Variants in ZFHX3 observed in about 807,000 individuals in gnomAD.
ZFHX3 encodes the protein zinc finger homeobox protein 3.
In ZFHX3, 42 loss-of-function variants were observed where a neutral mutation model predicts 279.1. The ratio of observed to expected loss-of-function variants is 0.15; its 90% CI spans 0.12 to 0.19. The LOEUF (loss-of-function observed/expected upper bound fraction) is 0.19. Ranked by LOEUF, ZFHX3 falls within the 10% of genes least tolerant of loss-of-function variation. The pLI is 1.00. For missense variants in ZFHX3, 4,981 were observed against 4,754.0 expected, an observed-to-expected ratio of 1.05 and a Z score of -1.40; for synonymous variants, 2,293 against 1,957.8, an observed-to-expected ratio of 1.17 and a Z score of -4.52.
intron 1 of ZFHX3, among the ~76,000 whole-genome samples, chr16:73,036,117 C>T (rs1051288491): frequency 5.3e-5 from 8 of 152,304 alleles, no homozygotes; most frequent in South Asian, 2.1e-4. Context: ...ACAGCACACG[C>T]GTGCGCGCGC....
At chr16:73,882,705 T>G (rs2030210820) in intron 1 of ZFHX3, among the ~76,000 whole-genome samples, 1 of 152,122 alleles carries the variant, frequency 6.6e-6, no homozygotes, top group Non-Finnish European at 1.5e-5. Flanking sequence ...AAGATAGCTT[T>G]CACCCATTTT....
In ZFHX3 at chr16:72,889,859, A is replaced by G. The variant is rs1192001423; in HGVS notation, c.3320T>C (p.Val1107Ala). The G allele has an allele frequency of 1.2e-6, 2 of 1,614,064 alleles. No homozygotes were observed. The highest frequency in any genetic ancestry group is 2.7e-5 in the African/African-American group (2 of 74,958). ...TKAKLNLIQH[V>A]RSMKHQRSES... is the part of the protein sequence containing the mutation. ...GCTTCGCTGGTGCTTCATGGAGCGC[A>G]CATGCTGGATGAGGTTGAGCTTGGC... Residue 1107 changes from valine to alanine, a missense_variant, in exon 4 of 10, where the codon GTG (valine) becomes GCG (alanine). Transcript: ENST00000268489.
chr16:73,190,824 G>A (rs1005789100), intron 5 of ZFHX3, among the ~76,000 whole-genome samples: 1 of 152,158 alleles, frequency 6.6e-6, no homozygotes, highest in South Asian at 2.1e-4. Flanking sequence ...AGGATTATGT[G>A]TGGGGGAGAG....
At chr16:73,207,914 A>T (rs748971746) in intron 5 of ZFHX3, among the ~76,000 whole-genome samples, 3 of 152,176 alleles carry the variant, frequency 2.0e-5, no homozygotes, top group Non-Finnish European at 4.4e-5. Context: ...AGCCAAATGT[A>T]TGTCCGTGCC....
intron 1 of ZFHX3, among the ~76,000 whole-genome samples, chr16:73,041,647 C>T (rs1387381612): frequency 1.3e-5 from 2 of 152,106 alleles, no homozygotes; most frequent in African/African-American, 4.8e-5. Flanking sequence ...CATTTAAAAG[C>T]AGTCGCTTGA....
intron 1 of ZFHX3, among the ~76,000 whole-genome samples, chr16:73,705,572 T>A (rs554867224): frequency 1.3e-5 from 2 of 152,192 alleles, no homozygotes; most frequent in Admixed American, 1.3e-4. Flanking sequence ...TTTTCTGTGG[T>A]GTTGCATCTT....
At chr16:73,506,948 G>A (rs748848622) in intron 2 of ZFHX3, among the ~76,000 whole-genome samples, 20 of 152,154 alleles carry the variant, frequency 1.3e-4, no homozygotes, top group Non-Finnish European at 2.1e-4. Context: ...TGTAATAGAC[G>A]GTATTACCTC....
At chr16:73,617,940 G>C (rs1264224979) in intron 2 of ZFHX3, among the ~76,000 whole-genome samples, 4 of 152,146 alleles carry the variant, frequency 2.6e-5, no homozygotes, top group Non-Finnish European at 5.9e-5. Context: ...TCCCAAGGCA[G>C]TGCTACCCAT....
chr16:73,326,181 G>C (rs1181361567), intron 3 of ZFHX3, among the ~76,000 whole-genome samples: 1 of 152,154 alleles, frequency 6.6e-6, no homozygotes, highest in Admixed American at 6.5e-5. Flanking sequence ...TTTATTCAAT[G>C]CTACTTTGTA....
chr16:73,007,782 A>G (rs1211843076), intron 1 of ZFHX3, among the ~76,000 whole-genome samples: 1 of 151,994 alleles, frequency 6.6e-6, no homozygotes, highest in East Asian at 1.9e-4. Context: ...CTTCTTCCCC[A>G]GTTTCTGATT....
chr16:72,814,609 C>CT (rs11295655), intron 5 of ZFHX3, among the ~76,000 whole-genome samples: 57 of 142,640 alleles, frequency 4.0e-4, no homozygotes, highest in African/African-American at 6.7e-4. Flanking sequence ...AGGGGAACTT[C>CT]TTTTTTTTTT....
At chr16:73,596,182 C>T (rs1047170349) in intron 2 of ZFHX3, among the ~76,000 whole-genome samples, 23 of 151,888 alleles carry the variant, frequency 1.5e-4, no homozygotes, top group Non-Finnish European at 2.8e-4. Context: ...CCACCACGCC[C>T]GGCTAATTTT....
At chr16:73,552,218 C>A (rs1204495289) in intron 2 of ZFHX3, among the ~76,000 whole-genome samples, 1 of 152,138 alleles carries the variant, frequency 6.6e-6, no homozygotes, top group Non-Finnish European at 1.5e-5. Flanking sequence ...GAAATTACAT[C>A]ATTGCCAGTA....
In ZFHX3 at chr16:73,426,788, T is replaced by C. The variant is rs184044884; in HGVS notation, c.-1291+29215A>G. ...AAGCAGTCACTGCATACTCAAAAGA[T>C]ACACCTTGAAGATTCTTTTTGCATC... On this transcript the variant is annotated intron_variant, in intron 3 of 17. Coordinates refer to the ZFHX3 transcript ENST00000641206. Among the ~76,000 whole-genome samples, 535 of 152,338 alleles carry C rather than the reference T, an allele frequency of 3.5e-3. 3 individuals are homozygous for C. Among genetic ancestry groups the C allele is most frequent in the African/African-American group, 0.012 (515 of 41,578 alleles).
intron 4 of ZFHX3, among the ~76,000 whole-genome samples, chr16:73,286,719 ATGTGTGGC>A (rs1381787355): frequency 2.5e-4 from 23 of 93,450 alleles, no homozygotes; most frequent in Non-Finnish European, 3.1e-4. Flanking sequence ...GTGTGGGTTC[ATGTGTGGC>A]TGTGTGGCTG....
intron 3 of ZFHX3, among the ~76,000 whole-genome samples, chr16:73,433,082 G>T (rs2017936886): frequency 6.6e-6 from 1 of 152,190 alleles, no homozygotes; most frequent in Non-Finnish European, 1.5e-5. Flanking sequence ...TTTCTCTCCT[G>T]GCTGGGGGGA....
chr16:73,583,722 T>C (rs1839279048), intron 2 of ZFHX3, among the ~76,000 whole-genome samples: 1 of 152,134 alleles, frequency 6.6e-6, no homozygotes, highest in South Asian at 2.1e-4. Context: ...GTAACAAATG[T>C]CCCACTGTAA....
intron 8 of ZFHX3, among the ~76,000 whole-genome samples, chr16:73,080,046 T>C (rs1567658767): frequency 6.6e-6 from 1 of 152,162 alleles, no homozygotes; most frequent in Non-Finnish European, 1.5e-5. Context: ...CAACTCTTTT[T>C]CACAGGCTCT....
At chr16:73,485,868 C>G (rs771115539) in intron 2 of ZFHX3, among the ~76,000 whole-genome samples, 1 of 152,278 alleles carries the variant, frequency 6.6e-6, no homozygotes, top group Admixed American at 6.5e-5. Flanking sequence ...GGTGAAAACT[C>G]CTCCTACCAT....
Sources: gnomAD v4.1 joint callset for allele counts (sites outside exome capture counted in the v4.1 genomes callset) on GRCh38, gnomAD v4.1.1 for gene constraint, MANE v1.5 for transcripts, NCBI Gene and HGNC (gene_info 2026-07-23, HGNC 2026-07-21) for gene names.